ZNF316: variants seen among roughly 807,000 people sequenced by gnomAD.
The protein encoded by ZNF316 is zinc finger protein 316.
Under a neutral mutation model 75.6 loss-of-function variants are expected in ZNF316, and 23 were observed. The ratio of observed to expected loss-of-function variants is 0.30; its 90% CI spans 0.22 to 0.43. The LOEUF is 0.43. ZNF316 is among the 20% of genes least tolerant of loss of function. ZNF316 has a pLI of 1.00. For missense variants in ZNF316, 1,266 were observed against 1,409.4 expected, an observed-to-expected ratio of 0.90 and a Z score of 1.63; for synonymous variants, 827 against 666.2, an observed-to-expected ratio of 1.24 and a Z score of -3.72.
Position 6,655,539 on chromosome 7 carries a change from G to GC in ZNF316, c.*932dup, listed in dbSNP as rs1351077379. ...GCCCCAGCTTTCACTTCCCTGGGCT[G>GC]CCCCTCTCCGGGAGCAGGCAGACGC... On this transcript the variant is annotated 3_prime_UTR_variant, in exon 9 of 9. Coordinates refer to ENST00000382252, the MANE Select transcript of ZNF316 (RefSeq NM_001278559.2). 2.0e-5 allele frequency: 3 copies of GC among 152,134 alleles called. No individual in the cohort carries two copies. The highest frequency in any genetic ancestry group is 7.2e-5 in the African/African-American group (3 of 41,406). The allele number at this position is 152,134 out of a possible 1,614,324, so 9.4% of individuals were successfully genotyped here.
rs1779591053 is a variant in ZNF316, at chr7:6,654,861, A to G, written c.*250A>G. 3.7e-6 allele frequency: 1 copy of G among 272,482 alleles called. No individual in the cohort carries two copies. The highest frequency in any genetic ancestry group is 5.4e-5 in the Admixed American group (1 of 18,534). 16.9% of individuals were successfully genotyped at this position (272,482 alleles called of 1,614,324 possible). On this transcript the variant is annotated 3_prime_UTR_variant, in exon 9 of 9. Transcript: ENST00000382252. ...AGGCCAGGACGTCACCCCCACGGAG[A>G]CTGCGATATCCCCTGGGTGGGCCCG...
In ZNF316 at chr7:6,640,034, G is replaced by C. The variant is rs551878600; in HGVS notation, c.-167+893G>C. On this transcript the variant is annotated intron_variant, in intron 3 of 8. Coordinates refer to ENST00000382252, the MANE Select transcript of ZNF316 (RefSeq NM_001278559.2). This position sits in a 1 kb window ranked among gnomAD's most constrained non-coding sequence, Gnocchi z 5.1. ...GAAACTAGAAAGGGGGCTGGAGCCA[G>C]TCAGGGGGCACGTGTGACCTTCGGG... Among the ~76,000 whole-genome samples, 2 of 152,202 alleles carry C rather than the reference G, an allele frequency of 1.3e-5. No individual in the cohort carries two copies. The highest frequency in any genetic ancestry group is 1.5e-5 in the Non-Finnish European group (1 of 68,050).
At position 6,640,573 on chromosome 7, in the gene ZNF316, C is replaced by T. The variant is rs998234032; in HGVS notation, c.-166-1252C>T. ...ATGATCCAGTCACCTCCCACCAGGCCCCGCCTCCAGCATTGGGGATTACGG... is the reference window on the plus strand; with the variant it reads ...ATGATCCAGTCACCTCCCACCAGGCTCCGCCTCCAGCATTGGGGATTACGG... On this transcript the variant is annotated intron_variant, in intron 3 of 8. Transcript: ENST00000382252. The surrounding 1 kb of genome is among the most constrained non-coding windows in gnomAD (Gnocchi z 5.1). Among the ~76,000 whole-genome samples the T allele has an allele frequency of 1.3e-5, 2 of 152,224 alleles. No individual in the cohort carries two copies. The highest frequency in any genetic ancestry group is 2.9e-5 in the Non-Finnish European group (2 of 68,028).
chr7:6,638,637 A>C (rs1209140706), intron 2 of ZNF316, among the ~76,000 whole-genome samples: 2 of 151,756 alleles, frequency 1.3e-5, no homozygotes, highest in Non-Finnish European at 2.9e-5. Flanking sequence ...GGGCCCTAGT[A>C]GAAATGAGGG....
rs1479830448 is a variant in ZNF316 at position 6,640,833 on chromosome 7, T to G, written c.-166-992T>G. 3.3e-5 allele frequency among the ~76,000 whole-genome samples: 5 copies of G among 152,188 alleles called. No individual in the cohort carries two copies. In the East Asian group the frequency reaches 7.7e-4, roughly 24 times the overall value. Reference sequence around the variant, plus strand: ...TCAGTTCACAAGAGATCTGGTTGTTTTAAAAGAGTGGGGCTTCCTCCCTCT... The same window carrying G: ...TCAGTTCACAAGAGATCTGGTTGTTGTAAAAGAGTGGGGCTTCCTCCCTCT... On this transcript the variant is annotated intron_variant, in intron 3 of 8. Transcript: ENST00000382252. The surrounding 1 kb of genome is among the most constrained non-coding windows in gnomAD (Gnocchi z 5.1).
Position 6,656,692 on chromosome 7 carries a change from C to T in ZNF316, c.*2081C>T, listed in dbSNP as rs1320662622. 6.6e-6 allele frequency among the ~76,000 whole-genome samples: 1 copy of T among 152,136 alleles called. No homozygotes were observed. Among genetic ancestry groups the T allele is most frequent in the Non-Finnish European group, 1.5e-5 (1 of 68,030 alleles). The stretch of plus-strand genomic sequence containing the variant: ...TGTAAACACCTGACTTGGGGCATTA[C>T]TTTTTGTGAATATGTTGGCCAGGCT... On this transcript the variant is annotated 3_prime_UTR_variant, in exon 9 of 9. Transcript: ENST00000382252.
At chr7:6,647,921 T>C (rs562098639) in intron 8 of ZNF316, among the ~76,000 whole-genome samples, 1 of 152,328 alleles carries the variant, frequency 6.6e-6, no homozygotes, top group East Asian at 1.9e-4. Flanking sequence ...ATTAGTGTCC[T>C]ACATAGGGCC....
intron 8 of ZNF316, among the ~76,000 whole-genome samples, chr7:6,646,017 A>G (rs542752205): frequency 2.4e-4 from 34 of 139,742 alleles, no homozygotes; most frequent in African/African-American, 8.6e-4. Flanking sequence ...AAAAAAAATC[A>G]GATCTCGTGA....
At chr7:6,651,965 T>C (rs1373538732) in intron 8 of ZNF316, among the ~76,000 whole-genome samples, 2 of 152,144 alleles carry the variant, frequency 1.3e-5, no homozygotes, top group Non-Finnish European at 2.9e-5. Flanking sequence ...TCCTAGAGTT[T>C]GCCCCGTTCC....
chr7:6,657,464 G>A lies in ZNF316; in HGVS notation c.*2853G>A, dbSNP rs1271831181. On this transcript the variant is annotated 3_prime_UTR_variant, in exon 9 of 9. Transcript: ENST00000382252. ...TCAAGACTCCATGTCTGAAACAGACGTTTGAGTGGCAGACAAATACAAAGA... is the reference window on the plus strand; with the variant it reads ...TCAAGACTCCATGTCTGAAACAGACATTTGAGTGGCAGACAAATACAAAGA... Among the ~76,000 whole-genome samples, 1 of 152,156 alleles carries A rather than the reference G, an allele frequency of 6.6e-6. No individual in the cohort carries two copies. The highest frequency in any genetic ancestry group is 2.4e-5 in the African/African-American group (1 of 41,532).
At position 6,654,098 on chromosome 7, in the gene ZNF316, C is replaced by G. The variant is rs1261480105; in HGVS notation, c.2502C>G (p.Pro834=). Residue 834 remains proline (P), a synonymous_variant, in exon 9 of 9, where the codon CCC becomes CCG. Transcript: ENST00000382252. ...AHAEEKPHRC[P]DCGKGFGHSS... The stretch of plus-strand genomic sequence containing the variant: ...CCGAGGAGAAGCCGCACCGCTGCCC[C>G]GACTGCGGCAAGGGCTTCGGCCACA... 3 of 1,217,954 alleles carry G rather than the reference C, an allele frequency of 2.5e-6. No homozygotes were observed. The highest frequency in any genetic ancestry group is 3.1e-6 in the Non-Finnish European group (3 of 978,474). The allele number at this position is 1,217,954 out of a possible 1,614,324, so 75.4% of individuals were successfully genotyped here. A position where few individuals can be genotyped will look rare whatever the true frequency, so the allele number is the denominator to read the frequency against.
chr7:6,646,853 C>G (rs1029482335), intron 8 of ZNF316, among the ~76,000 whole-genome samples: 2 of 152,152 alleles, frequency 1.3e-5, no homozygotes, highest in Non-Finnish European at 2.9e-5. Context: ...GTATGTCCCT[C>G]TCTTGGGCTC....
Position 6,653,530 on chromosome 7 carries a change from G to T in ZNF316, c.1934G>T (p.Gly645Val), listed in dbSNP as rs932158798. ...PLGGPLSLVE[G>V]TGLACDPFGG... ...GGGGGCCCGCTCTCCCTGGTGGAGG[G>T]TACCGGGCTGGCGTGCGACCCTTTC... The change falls in exon 9 of 9, where the codon GGT (glycine) becomes GTT (valine). Residue 645 changes from glycine (G) to valine (V), a missense_variant. Physicochemically the swap from Gly to Val is moderately radical, Grantham distance 109. Around this residue, in one of 3 missense-constraint regions of ZNF316, gnomAD observed 961 missense variants for 990.9 expected, o/e 0.97. Transcript: ENST00000382252. 3 of 1,216,076 alleles carry T rather than the reference G, an allele frequency of 2.5e-6. No individual in the cohort carries two copies. In the African/African-American group the frequency reaches 4.7e-5, roughly 19 times the overall value. 75.3% of individuals were successfully genotyped at this position (1,216,076 alleles called of 1,614,324 possible).
In ZNF316 at chr7:6,637,658, A is replaced by AC. The variant is rs1440805836; in HGVS notation, c.-430-183dup. Reference sequence around the variant, plus strand: ...CCGCGGCAGCGCCCCCGCCTCCCGGACCCCCGTCCGGGCCTGCGCGTTGCC... The same window carrying AC: ...CCGCGGCAGCGCCCCCGCCTCCCGGACCCCCCGTCCGGGCCTGCGCGTTGCC... On this transcript the variant is annotated intron_variant, in intron 1 of 8. Coordinates refer to ENST00000382252, the MANE Select transcript of ZNF316 (RefSeq NM_001278559.2). This position sits in a 1 kb window ranked among gnomAD's most constrained non-coding sequence, Gnocchi z 6.2. Among the ~76,000 whole-genome samples, 2 of 149,540 alleles carry AC rather than the reference A, an allele frequency of 1.3e-5. No homozygotes were observed. Among genetic ancestry groups the AC allele is most frequent in the Non-Finnish European group, 3.0e-5 (2 of 67,352 alleles).
Position 6,652,608 on chromosome 7 carries a change from C to T in ZNF316, c.1012C>T (p.Pro338Ser). ...CTGGGCGTTCCCCGCCGCAGTGGCC[C>T]CGCCGGCCGGGAGGCCGGAGACCAC... ...SPWAFPAAVAPPAGRPETTCD... is the reference protein window; with the variant it reads ...SPWAFPAAVASPAGRPETTCD... Residue 338 changes from proline to serine, a missense_variant, in exon 9 of 9, where the codon CCG (proline) becomes TCG (serine). Physicochemically the swap from Pro to Ser is moderately conservative, Grantham distance 74 (BLOSUM62 -1). Coordinates refer to ENST00000382252, the MANE Select transcript of ZNF316 (RefSeq NM_001278559.2). The T allele has an allele frequency of 2.4e-6, 3 of 1,230,438 alleles. No homozygotes were observed. The highest frequency in any genetic ancestry group is 3.0e-6 in the Non-Finnish European group (3 of 987,016). 76.2% of individuals were successfully genotyped at this position (1,230,438 alleles called of 1,614,324 possible).
rs1051364120 is a variant in ZNF316 at position 6,657,511 on chromosome 7, C to A, written c.*2900C>A. ...AAGACCTAGTTAAAAAATGGAGCCC[C>A]TTGAGGATCTTACAGTCTATTCAGA... On this transcript the variant is annotated 3_prime_UTR_variant, in exon 9 of 9. Coordinates refer to ENST00000382252, the MANE Select transcript of ZNF316 (RefSeq NM_001278559.2). Among the ~76,000 whole-genome samples, 1 of 151,856 alleles carries A rather than the reference C, an allele frequency of 6.6e-6. No homozygotes were observed. Among genetic ancestry groups the A allele is most frequent in the African/African-American group, 2.4e-5 (1 of 41,312 alleles).
intron 3 of ZNF316, among the ~76,000 whole-genome samples, chr7:6,641,291 C>T (rs569707260): frequency 3.2e-4 from 49 of 152,342 alleles, no homozygotes; most frequent in Non-Finnish European, 5.3e-4. Context: ...GGCCTCTCCC[C>T]CTGGATTCTG....
At chr7:6,638,433 G>A (rs1323516844) in intron 2 of ZNF316, among the ~76,000 whole-genome samples, 2 of 152,328 alleles carry the variant, frequency 1.3e-5, no homozygotes, top group African/African-American at 4.8e-5. Context: ...AAGGGGGCTA[G>A]ACACAAGCAC....
chr7:6,653,514 C>A lies in ZNF316; in HGVS notation c.1918C>A (p.Leu640Ile), dbSNP rs1313942275. The A allele has an allele frequency of 8.2e-7, 1 of 1,220,944 alleles. No homozygotes were observed. Among genetic ancestry groups the A allele is most frequent in the Non-Finnish European group, 1.0e-6 (1 of 981,498 alleles). 75.6% of individuals were successfully genotyped at this position (1,220,944 alleles called of 1,614,324 possible). ...GCTCCCGGCGCCCCTGGGGGGCCCG[C>A]TCTCCCTGGTGGAGGGTACCGGGCT... ...RPLPAPLGGPLSLVEGTGLAC... is the reference protein window; with the variant it reads ...RPLPAPLGGPISLVEGTGLAC... The change falls in exon 9 of 9, where the codon CTC becomes ATC. Residue 640 changes from leucine (L) to isoleucine (I), a missense_variant. Around this residue, in one of 3 missense-constraint regions of ZNF316, gnomAD observed 961 missense variants for 990.9 expected, o/e 0.97. Transcript: ENST00000382252.
Sources: gnomAD v4.1 joint callset for allele counts (sites outside exome capture counted in the v4.1 genomes callset) on GRCh38, gnomAD v4.1.1 for gene constraint, gnomAD v4.1.1 regional missense constraint, Gnocchi (gnomAD v3.1) non-coding constraint, MANE v1.5 for transcripts, NCBI Gene and HGNC (gene_info 2026-07-23, HGNC 2026-07-21) for gene names.